SERPINC1: variants seen among roughly 807,000 people sequenced by gnomAD.
SERPINC1 encodes the protein antithrombin-III.
In SERPINC1, 12 loss-of-function variants were observed where a neutral mutation model predicts 43.4. The ratio of observed to expected loss-of-function variants is 0.28; its 90% CI spans 0.18 to 0.45. The LOEUF is 0.45. Ranked by LOEUF, SERPINC1 falls within the 20% of genes least tolerant of loss-of-function variation. The pLI is 1.00. For synonymous variants in SERPINC1, 210 were observed against 218.9 expected (o/e 0.96, Z 0.36); for missense variants, 423 against 578.8 (o/e 0.73, Z 2.76).
intron 2 of SERPINC1, among the ~76,000 whole-genome samples, chr1:173,912,356 C>T (rs1322351290): frequency 2.0e-5 from 3 of 152,154 alleles, no homozygotes; most frequent in Admixed American, 6.5e-5. Flanking sequence ...GTGTCCTTCT[C>T]GTAACAAACA....
At chr1:173,904,346 T>C (rs1657394588) in intron 6 of SERPINC1, among the ~76,000 whole-genome samples, 1 of 152,246 alleles carries the variant, frequency 6.6e-6, no homozygotes, top group African/African-American at 2.4e-5. Context: ...ATCACATTTC[T>C]GGCTGGTACC....
chr1:173,910,173 T>C (rs1210964301), intron 4 of SERPINC1, among the ~76,000 whole-genome samples: 3 of 152,296 alleles, frequency 2.0e-5, no homozygotes, highest in South Asian at 4.1e-4. Flanking sequence ...AGTAGATGAA[T>C]AGACAGACTG....
At position 173,911,915 on chromosome 1, in the gene SERPINC1, A is replaced by G. The variant is rs1657786518; in HGVS notation, c.508T>C (p.Ser170Pro). 1 of 1,614,198 alleles carries G rather than the reference A, an allele frequency of 6.2e-7. No individual in the cohort carries two copies. Among genetic ancestry groups the G allele is most frequent in the Admixed American group, 1.7e-5 (1 of 60,020 alleles). The change falls in exon 3 of 7, where the codon TCC becomes CCC. Residue 170 changes from serine (S) to proline (P), a missense_variant. By Grantham distance (74) the Ser-to-Pro change is moderately conservative. Coordinates refer to ENST00000367698, the MANE Select transcript of SERPINC1 (RefSeq NM_000488.4). ...AGGCGATTGGCTGATACTAACTTGGAGGATTTGTTGGCTTTTCGATAGAGT... is the reference window on the plus strand; with the variant it reads ...AGGCGATTGGCTGATACTAACTTGGGGGATTTGTTGGCTTTTCGATAGAGT... ...CRLYRKANKS[S>P]KLVSANRLFG...
At chr1:173,906,610 A>G (rs1557901047) in intron 6 of SERPINC1, among the ~76,000 whole-genome samples, 1 of 151,958 alleles carries the variant, frequency 6.6e-6, no homozygotes, top group Non-Finnish European at 1.5e-5. Flanking sequence ...CCTCAGGGAA[A>G]GGTAAACTAT....
chr1:173,903,863 G>A lies in SERPINC1; in HGVS notation c.*26C>T. 1 of 1,606,738 alleles carries A rather than the reference G, an allele frequency of 6.2e-7. No homozygotes were observed. Among genetic ancestry groups the A allele is most frequent in the South Asian group, 1.1e-5 (1 of 90,934 alleles). On this transcript the variant is annotated 3_prime_UTR_variant, in exon 7 of 7. Transcript: ENST00000367698. ...ACTTCTGTTCACAAACCAAAAATAG[G>A]AAGAGGTGCAAAGAATAAGAACATT...
chr1:173,909,709 G>T lies in SERPINC1; in HGVS notation c.996C>A (p.Thr332=). The stretch of plus-strand genomic sequence containing the variant: ...CCAGCCACTCTTGCAGCACCTCTGG[G>T]GTGAGTTCCTTCTCTACCTTGGCCA... The part of the protein sequence containing the change: ...KSLAKVEKEL[T]PEVLQEWLDE... Residue 332 remains threonine, a synonymous_variant, in exon 5 of 7, where the codon ACC becomes ACA. Coordinates refer to ENST00000367698, the MANE Select transcript of SERPINC1 (RefSeq NM_000488.4). 6.2e-7 allele frequency: 1 copy of T among 1,614,154 alleles called. No homozygotes were observed. The highest frequency in any genetic ancestry group is 1.1e-5 in the South Asian group (1 of 91,086).
In SERPINC1 at chr1:173,916,894, T is replaced by C. The variant is rs558860285; in HGVS notation, c.41+325A>G. ...GGGTAGCATTTGCTCTCTTCCCGGATGGATGGCAGGCCCTGGGGATTCCCC... is the reference window on the plus strand; with the variant it reads ...GGGTAGCATTTGCTCTCTTCCCGGACGGATGGCAGGCCCTGGGGATTCCCC... On this transcript the variant is annotated intron_variant, in intron 1 of 6. Transcript: ENST00000367698. Among the ~76,000 whole-genome samples the C allele has an allele frequency of 1.1e-4, 17 of 152,288 alleles. No homozygotes were observed. In the South Asian group the frequency reaches 1.4e-3, roughly 13 times the overall value.
At chr1:173,910,424 C>A (rs2227609) in intron 4 of SERPINC1, among the ~76,000 whole-genome samples, 23,970 of 151,044 alleles carry the variant, frequency 0.16, 2,465 homozygotes, top group African/African-American at 0.28. Context: ...TAAAAAAAAA[C>A]CAAAAAATTA....
In SERPINC1 at chr1:173,911,964, G is replaced by A; in HGVS notation, c.459C>T (p.Phe153=). Residue 153 remains phenylalanine (F), a synonymous_variant, in exon 3 of 7, where the codon TTC becomes TTT. Coordinates refer to ENST00000367698, the MANE Select transcript of SERPINC1 (RefSeq NM_000488.4). ...ISEKTSDQIH[F]FFAKLNCRLY... is the part of the protein sequence containing the mutation. ...GTCGGCAGTTCAGTTTGGCAAAGAAGAAGTGGATCTGATCAGATGTTTTCT... is the reference window on the plus strand; with the variant it reads ...GTCGGCAGTTCAGTTTGGCAAAGAAAAAGTGGATCTGATCAGATGTTTTCT... The A allele has an allele frequency of 6.2e-7, 1 of 1,614,172 alleles. No homozygotes were observed. Among genetic ancestry groups the A allele is most frequent in the Non-Finnish European group, 8.5e-7 (1 of 1,180,018 alleles).
Position 173,909,199 on chromosome 1 carries a change from C to A in SERPINC1, c.1153+353G>T, listed in dbSNP as rs1657658562. On this transcript the variant is annotated intron_variant, in intron 5 of 6. Coordinates refer to ENST00000367698, the MANE Select transcript of SERPINC1 (RefSeq NM_000488.4). ...ATAATAATAATAAATGTCAGTGAGG[C>A]CTGTGTAATGGGAACCACATTTCCC... Among the ~76,000 whole-genome samples, 4 of 150,520 alleles carry A rather than the reference C, an allele frequency of 2.7e-5. No homozygotes were observed. The South Asian group carries it at 8.3e-4, about 31-fold the overall frequency.
intron 5 of SERPINC1, among the ~76,000 whole-genome samples, chr1:173,907,984 A>AAAAAATAAT (rs374740349): frequency 1.4e-5 from 2 of 139,426 alleles, no homozygotes; most frequent in Non-Finnish European, 3.1e-5. Flanking sequence ...TGCATCTCAA[A>AAAAAATAAT]AATAATAATA....
chr1:173,915,974 A>C (rs1327099267), intron 1 of SERPINC1, among the ~76,000 whole-genome samples: 1 of 152,076 alleles, frequency 6.6e-6, no homozygotes, highest in Non-Finnish European at 1.5e-5. Context: ...CAAACCCCAG[A>C]GTCAATCAGT....
At chr1:173,908,167 C>G (rs1375645521) in intron 5 of SERPINC1, among the ~76,000 whole-genome samples, 1 of 151,904 alleles carries the variant, frequency 6.6e-6, no homozygotes, top group East Asian at 1.9e-4. Context: ...TCTTTCCAGT[C>G]TGGCAACATT....
At chr1:173,909,447 A>AG in intron 5 of SERPINC1, 105 bp downstream of exon 5, 1 of 1,154,776 alleles carries the variant, frequency 8.7e-7, no homozygotes, top group South Asian at 1.3e-5. Flanking sequence ...ATCAGTATCC[A>AG]GGAGTCCTGA....
Position 173,909,661 on chromosome 1 carries a change from C to G in SERPINC1, c.1044G>C (p.Leu348=), listed in dbSNP as rs1204203278. ...TGCGGAAGCGGGGCATGTGGACCAC[C>G]AGCATCATCTCCTCCAATTCATCCA... ...EWLDELEEMM[L]VVHMPRFRIE... The change falls in exon 5 of 7, where the codon CTG becomes CTC. Residue 348 remains leucine (L), a synonymous_variant. Coordinates refer to ENST00000367698, the MANE Select transcript of SERPINC1 (RefSeq NM_000488.4). 2 of 1,613,588 alleles carry G rather than the reference C, an allele frequency of 1.2e-6. No individual in the cohort carries two copies. The highest frequency in any genetic ancestry group is 1.7e-6 in the Non-Finnish European group (2 of 1,179,676).
chr1:173,914,962 CT>C (rs755986524), intron 1 of SERPINC1, 43 bp from the exon 2 acceptor site: 2 of 1,595,582 alleles, frequency 1.3e-6, no homozygotes, highest in Non-Finnish European at 1.7e-6. Flanking sequence ...GCTGCAACCC[CT>C]AGCCCCACTG....
At chr1:173,907,661 C>T (rs1657577035) in intron 5 of SERPINC1, 147 bp from the exon 6 acceptor site, 2 of 735,020 alleles carry the variant, frequency 2.7e-6, no homozygotes, top group African/African-American at 3.5e-5. Flanking sequence ...CATACTCTCA[C>T]AATGAATATG....
At chr1:173,907,571 C>CAGAT in intron 5 of SERPINC1, 57 bp from the exon 6 acceptor site, 1 of 1,233,468 alleles carries the variant, frequency 8.1e-7, no homozygotes. Context: ...CTTCAACCCA[C>CAGAT]AGATGGGAAT....
At chr1:173,907,592 T>A in intron 5 of SERPINC1, 78 bp from the exon 6 acceptor site, 1 of 990,780 alleles carries the variant, frequency 1.0e-6, no homozygotes, top group Non-Finnish European at 1.6e-6. Context: ...TCAGTTTGGA[T>A]TAAGAGATCC....
Sources: allele counts gnomAD v4.1 joint callset (sites outside exome capture counted in the v4.1 genomes callset), GRCh38; gene constraint gnomAD v4.1.1; transcripts MANE v1.5; gene names NCBI Gene and HGNC (gene_info 2026-07-23, HGNC 2026-07-21).